Variants in PCDH15 observed in about 807,000 individuals in gnomAD.
PCDH15 encodes protocadherin related 15.
PCDH15 carries 129 observed loss-of-function variants against 178.5 expected under a neutral mutation model. The ratio of observed to expected loss-of-function variants is 0.72; its 90% CI spans 0.63 to 0.84. PCDH15 has a LOEUF of 0.84. Ranked by LOEUF, PCDH15 falls within the 40% of genes least tolerant of loss-of-function variation. PCDH15 has a pLI of 0.00. For missense variants in PCDH15, 2,230 were observed against 2,099.9 expected (o/e 1.06, Z -1.21); for synonymous variants, 800 against 732.0 (o/e 1.09, Z -1.50).
At chr10:54,764,566 T>G (rs11004556) in intron 1 of PCDH15, among the ~76,000 whole-genome samples, 2,082 of 152,256 alleles carry the variant, frequency 0.014, 37 homozygotes, top group East Asian at 0.056. Context: ...TACAGGCAAT[T>G]TCAGTGTTGA....
chr10:54,667,503 A>G (rs1256497330), intron 1 of PCDH15, among the ~76,000 whole-genome samples: 1 of 152,168 alleles, frequency 6.6e-6, no homozygotes, highest in African/African-American at 2.4e-5. Flanking sequence ...CAAATGCTTT[A>G]GACAAAAGAC....
chr10:54,565,496 T>A (rs766432949), intron 2 of PCDH15, among the ~76,000 whole-genome samples: 1 of 152,132 alleles, frequency 6.6e-6, no homozygotes, highest in Admixed American at 6.5e-5. Flanking sequence ...AGGTTGAAAC[T>A]TTTTAAGTAG....
intron 29 of PCDH15, among the ~76,000 whole-genome samples, chr10:53,839,753 G>A (rs1001654789): frequency 2.0e-5 from 3 of 151,594 alleles, no homozygotes; most frequent in Admixed American, 2.0e-4. Flanking sequence ...TTAAGATTCT[G>A]CACTTTATTT....
chr10:54,310,319 G>T (rs779570296), intron 8 of PCDH15, among the ~76,000 whole-genome samples: 1 of 152,066 alleles, frequency 6.6e-6, no homozygotes, highest in Non-Finnish European at 1.5e-5. Context: ...TTGTGATGGT[G>T]GTTAGAGGAG....
intron 2 of PCDH15, among the ~76,000 whole-genome samples, chr10:55,452,038 G>T (rs1839446992): frequency 6.6e-6 from 1 of 152,062 alleles, no homozygotes; most frequent in Admixed American, 6.5e-5. Context: ...GTTTATTAGT[G>T]TCTTAAAAAT....
At chr10:55,405,065 G>A (rs1046115838) in intron 2 of PCDH15, among the ~76,000 whole-genome samples, 5 of 151,086 alleles carry the variant, frequency 3.3e-5, no homozygotes, top group Non-Finnish European at 7.4e-5. Flanking sequence ...AACAACCAAT[G>A]AAAAAGATTA....
intron 2 of PCDH15, among the ~76,000 whole-genome samples, chr10:55,616,859 T>C (rs995723133): frequency 1.3e-5 from 2 of 152,118 alleles, no homozygotes; most frequent in Non-Finnish European, 2.9e-5. Flanking sequence ...GTTGCCTAGA[T>C]AACTAGTAAA....
chr10:55,345,143 C>G (rs34767209), intron 2 of PCDH15, among the ~76,000 whole-genome samples: 29,880 of 148,110 alleles, frequency 0.2, 3,090 homozygotes, highest in African/African-American at 0.26. Flanking sequence ...GTGTGTGTGT[C>G]TCTCTCTCTC....
intron 2 of PCDH15, among the ~76,000 whole-genome samples, chr10:54,570,817 A>AATTTT (rs571170500): frequency 7.0e-4 from 7 of 9,968 alleles, no homozygotes; most frequent in Non-Finnish European, 8.9e-4. Context: ...ACGCCTGGCT[A>AATTTT]TTTTTTTTTT....
intron 5 of PCDH15, among the ~76,000 whole-genome samples, chr10:54,358,832 T>TA (rs1945496702): frequency 6.6e-6 from 1 of 151,814 alleles, no homozygotes; most frequent in Non-Finnish European, 1.5e-5. Flanking sequence ...TATGCAGCCA[T>TA]AAAAAATGAT....
At chr10:54,330,716 G>A (rs1281593887) in intron 6 of PCDH15, among the ~76,000 whole-genome samples, 1 of 151,882 alleles carries the variant, frequency 6.6e-6, no homozygotes, top group African/African-American at 2.4e-5. Flanking sequence ...AGCCCTCAGT[G>A]TAACTGTATT....
intron 3 of PCDH15, among the ~76,000 whole-genome samples, chr10:54,406,399 C>T (rs924378835): frequency 6.6e-6 from 1 of 151,948 alleles, no homozygotes; most frequent in African/African-American, 2.4e-5. Flanking sequence ...TCCTTAAGGG[C>T]CAGATATTAA....
intron 21 of PCDH15, among the ~76,000 whole-genome samples, chr10:53,989,506 T>C (rs903152091): frequency 6.6e-6 from 1 of 152,316 alleles, no homozygotes; most frequent in South Asian, 2.1e-4. Flanking sequence ...ATTCCACTGT[T>C]GTTTTAAAGA....
chr10:54,491,250 C>G (rs1176390769), intron 3 of PCDH15, among the ~76,000 whole-genome samples: 1 of 149,824 alleles, frequency 6.7e-6, no homozygotes, highest in Non-Finnish European at 1.5e-5. Context: ...CAAGTCTCTT[C>G]TCATATTTTA....
At chr10:55,412,865 T>G (rs2132036634) in intron 2 of PCDH15, among the ~76,000 whole-genome samples, 1 of 137,796 alleles carries the variant, frequency 7.3e-6, no homozygotes, top group Admixed American at 7.7e-5. Flanking sequence ...GACAAAAGAT[T>G]AATTCAACAA....
At chr10:54,539,714 A>T (rs1479595012) in intron 2 of PCDH15, among the ~76,000 whole-genome samples, 1 of 152,208 alleles carries the variant, frequency 6.6e-6, no homozygotes, top group Non-Finnish European at 1.5e-5. Context: ...CTCTAAGATC[A>T]ACCACATGGT....
At chr10:54,333,525 T>G (rs1940325280) in intron 6 of PCDH15, among the ~76,000 whole-genome samples, 1 of 151,092 alleles carries the variant, frequency 6.6e-6, no homozygotes. Flanking sequence ...GTAAAAGTCT[T>G]GCTTTAATGA....
chr10:55,472,694 T>G (rs1253742836), intron 2 of PCDH15, among the ~76,000 whole-genome samples: 2 of 152,170 alleles, frequency 1.3e-5, no homozygotes, highest in East Asian at 3.9e-4. Flanking sequence ...TCATCCTCCC[T>G]AGTAGCTGTG....
At chr10:54,799,638 A>G (rs1045148445) in intron 1 of PCDH15, among the ~76,000 whole-genome samples, 2 of 152,080 alleles carry the variant, frequency 1.3e-5, no homozygotes, top group Non-Finnish European at 2.9e-5. Context: ...TGCTCAGCAC[A>G]TAATTGCAAC....
Sources: allele counts gnomAD v4.1 joint callset (sites outside exome capture counted in the v4.1 genomes callset), GRCh38; gene constraint gnomAD v4.1.1; transcripts MANE v1.5; gene names NCBI Gene and HGNC (gene_info 2026-07-23, HGNC 2026-07-21).